ARHGAP8: variants seen among roughly 807,000 people sequenced by gnomAD.
ARHGAP8 encodes the protein rho GTPase-activating protein 8.
In ARHGAP8, 62 loss-of-function variants were observed where a neutral mutation model predicts 46.1. The observed-to-expected ratio is 1.34, with a 90% CI of 1.10 to 1.66. The LOEUF (loss-of-function observed/expected upper bound fraction) is 1.66, where lower values mean the gene tolerates loss of function less well. Ranked by LOEUF, ARHGAP8 falls within the 40% of genes most tolerant of loss-of-function variation. The probability of loss-of-function intolerance (pLI) is 0.00; values close to 1 mark genes in which losing one functional copy is unlikely to be tolerated. For synonymous variants in ARHGAP8, 375 were observed against 243.1 expected, an observed-to-expected ratio of 1.54 and a Z score of -5.05; for missense variants, 923 against 568.4, an observed-to-expected ratio of 1.62 and a Z score of -6.34.
intron 11 of ARHGAP8, among the ~76,000 whole-genome samples, chr22:44,860,362 A>T (rs999848015): frequency 6.6e-6 from 1 of 152,118 alleles, no homozygotes; most frequent in African/African-American, 2.4e-5. Flanking sequence ...GCTCTAGGGA[A>T]GGTTCCCCTT....
At chr22:44,795,390 G>C (rs1290227544) in intron 2 of ARHGAP8, among the ~76,000 whole-genome samples, 1 of 152,082 alleles carries the variant, frequency 6.6e-6, no homozygotes, top group Non-Finnish European at 1.5e-5. Context: ...GGGTACCTCG[G>C]GCCCTGTGGC....
At chr22:44,753,580 G>C (rs1924424367) in intron 1 of ARHGAP8, among the ~76,000 whole-genome samples, 1 of 148,058 alleles carries the variant, frequency 6.8e-6, no homozygotes, top group Admixed American at 6.7e-5. Context: ...GGAAGGCAGG[G>C]AGGCCCTGCC....
At chr22:44,807,620 G>C (rs1367492761) in intron 3 of ARHGAP8, among the ~76,000 whole-genome samples, 2 of 152,218 alleles carry the variant, frequency 1.3e-5, no homozygotes, top group African/African-American at 4.8e-5. Context: ...CATCCTCCTT[G>C]TGAGTTTCCC....
chr22:44,862,773 G>A lies in ARHGAP8; in HGVS notation c.*178G>A, dbSNP rs531508657. ...GTCCATGGTTCCTGAGCTGTGGACC[G>A]GGATAGAATAATGCATTTGTTAGGA... On this transcript the variant is annotated 3_prime_UTR_variant, in exon 12 of 12. Coordinates refer to ENST00000356099, the MANE Select transcript of ARHGAP8 (RefSeq NM_181335.3). 2.6e-4 allele frequency: 188 copies of A among 720,900 alleles called. 1 individual carries two copies. The highest frequency in any genetic ancestry group is 9.8e-4 in the African/African-American group (56 of 57,134). The allele number at this position is 720,900 out of a possible 1,614,324, so 44.7% of individuals were successfully genotyped here.
At chr22:44,760,927 G>A (rs1569131455) in intron 1 of ARHGAP8, among the ~76,000 whole-genome samples, 1 of 152,334 alleles carries the variant, frequency 6.6e-6, no homozygotes, top group Admixed American at 6.5e-5. Flanking sequence ...AGGGTCGGGA[G>A]GGAGTTGAGG....
At chr22:44,817,103 C>T (rs888318223) in intron 5 of ARHGAP8, among the ~76,000 whole-genome samples, 2 of 151,650 alleles carry the variant, frequency 1.3e-5, no homozygotes, top group Non-Finnish European at 2.9e-5. Flanking sequence ...CCAGGCTGGT[C>T]TCAAGCTCCT....
Position 44,848,981 on chromosome 22 carries a change from G to C in ARHGAP8, c.798G>C (p.Val266=). ...ACGGGGACATTCACATCCCTGCCGT[G>C]ATCCTGAAGACCTTCCTGCGAGAGC... The part of the protein sequence containing the change: ...DDYGDIHIPA[V]ILKTFLRELP... The change falls in exon 10 of 12, where the codon GTG becomes GTC. Residue 266 remains valine, a synonymous_variant. Coordinates refer to ENST00000356099, the MANE Select transcript of ARHGAP8 (RefSeq NM_181335.3). 1 of 1,614,132 alleles carries C rather than the reference G, an allele frequency of 6.2e-7. No individual in the cohort carries two copies. The highest frequency in any genetic ancestry group is 8.5e-7 in the Non-Finnish European group (1 of 1,180,042).
chr22:44,758,587 C>A (rs1471020383), intron 1 of ARHGAP8, among the ~76,000 whole-genome samples: 1 of 151,708 alleles, frequency 6.6e-6, no homozygotes, highest in Non-Finnish European at 1.5e-5. Context: ...GGCTCACTTA[C>A]TTTGTGCAGG....
chr22:44,820,771 C>G (rs758952788), intron 5 of ARHGAP8, among the ~76,000 whole-genome samples: 6 of 152,196 alleles, frequency 3.9e-5, no homozygotes, highest in African/African-American at 7.2e-5. Context: ...CCTCAGCCCC[C>G]GGGTCCGATT....
At chr22:44,782,678 C>T (rs1926930023) in intron 1 of ARHGAP8, among the ~76,000 whole-genome samples, 1 of 152,214 alleles carries the variant, frequency 6.6e-6, no homozygotes, top group African/African-American at 2.4e-5. Context: ...GAACTTCATC[C>T]TGTTACGGCT....
chr22:44,797,979 A>AT (rs36101080), intron 2 of ARHGAP8, among the ~76,000 whole-genome samples: 21,892 of 128,584 alleles, frequency 0.17, 2,051 homozygotes, highest in East Asian at 0.48. Context: ...GGCCAATAAG[A>AT]TTTTTTTTTT....
rs951585333 is a variant in ARHGAP8, at chr22:44,862,728, C to T, written c.*133C>T. 30 of 1,118,256 alleles carry T rather than the reference C, an allele frequency of 2.7e-5. No individual in the cohort carries two copies. The highest frequency in any genetic ancestry group is 3.7e-5 in the Non-Finnish European group (30 of 816,906). The allele number at this position is 1,118,256 out of a possible 1,614,324, so 69.3% of individuals were successfully genotyped here. On this transcript the variant is annotated 3_prime_UTR_variant, in exon 12 of 12. Coordinates refer to ENST00000356099, the MANE Select transcript of ARHGAP8 (RefSeq NM_181335.3). Reference sequence around the variant, plus strand: ...AGAACCTTCTAATGAAAACTCCATGCCTCTGGTCCTTGGACTCTTGTCCAT... The same window carrying T: ...AGAACCTTCTAATGAAAACTCCATGTCTCTGGTCCTTGGACTCTTGTCCAT...
In ARHGAP8 at chr22:44,774,526, T is replaced by C. The variant is rs542083738; in HGVS notation, c.-71-11931T>C. On this transcript the variant is annotated intron_variant, in intron 1 of 11. Transcript: ENST00000356099. ...TGGTATTTCTTTGGGAGATTTTTTT[T>C]TTTTTTTTTTTTTGAGATGGAGTTT... Among the ~76,000 whole-genome samples, 608 of 150,498 alleles carry C rather than the reference T, an allele frequency of 4.0e-3. 5 individuals are homozygous for C. The highest frequency in any genetic ancestry group is 0.013 in the African/African-American group (536 of 41,088).
At chr22:44,839,485 C>T (rs1170014489) in intron 7 of ARHGAP8, among the ~76,000 whole-genome samples, 2 of 152,202 alleles carry the variant, frequency 1.3e-5, no homozygotes, top group African/African-American at 4.8e-5. Context: ...ACACTCGATA[C>T]CATGTGCACC....
chr22:44,783,613 C>T (rs974882727), intron 1 of ARHGAP8, among the ~76,000 whole-genome samples: 1 of 152,186 alleles, frequency 6.6e-6, no homozygotes, highest in Admixed American at 6.5e-5. Flanking sequence ...CTCCACCGCA[C>T]TAGAACCGGC....
chr22:44,763,764 G>A (rs1158615221), intron 1 of ARHGAP8, among the ~76,000 whole-genome samples: 2 of 151,180 alleles, frequency 1.3e-5, no homozygotes, highest in Non-Finnish European at 2.9e-5. Context: ...AGGCGGAATC[G>A]GTGTGTTTAT....
chr22:44,862,220 G>GGT, intron 11 of ARHGAP8, 55 bp from the exon 12 acceptor site: 1 of 1,534,432 alleles, frequency 6.5e-7, no homozygotes, highest in Non-Finnish European at 8.8e-7. Flanking sequence ...GGGAGTTCCA[G>GGT]GTGCCCGTGC....
intron 3 of ARHGAP8, among the ~76,000 whole-genome samples, chr22:44,803,526 C>G (rs1928704657): frequency 6.6e-6 from 1 of 151,638 alleles, no homozygotes; most frequent in Non-Finnish European, 1.5e-5. Context: ...CATGCAGCAC[C>G]CCCAAACACA....
At chr22:44,808,992 A>ATT (rs113395729) in intron 4 of ARHGAP8, 88 of 404,458 alleles carry the variant, frequency 2.2e-4, no homozygotes, top group Admixed American at 3.1e-4. Flanking sequence ...TAATTTTTGT[A>ATT]TTTTTTTTTG....
Sources: gnomAD v4.1 joint callset for allele counts (sites outside exome capture counted in the v4.1 genomes callset) on GRCh38, gnomAD v4.1.1 for gene constraint, MANE v1.5 for transcripts, NCBI Gene and HGNC (gene_info 2026-07-23, HGNC 2026-07-21) for gene names.